Variants in ITGA1 observed in about 807,000 individuals in gnomAD.
ITGA1 encodes the protein integrin alpha-1.
Under a neutral mutation model 145.9 loss-of-function variants are expected in ITGA1, and 85 were observed. That is an observed-to-expected ratio of 0.58 (90% CI 0.49 to 0.70). The LOEUF is 0.70. Among genes scored for constraint, ITGA1 ranks in the 30% least tolerant of loss-of-function variants. The pLI, the probability that ITGA1 is intolerant of heterozygous loss-of-function variation, is 0.00. For missense variants in ITGA1, 1,351 were observed against 1,418.7 expected, an observed-to-expected ratio of 0.95 and a Z score of 0.77; for synonymous variants, 520 against 495.3, an observed-to-expected ratio of 1.05 and a Z score of -0.66.
At chr5:52,821,894 T>G (rs1221112403) in intron 1 of ITGA1, among the ~76,000 whole-genome samples, 2 of 152,256 alleles carry the variant, frequency 1.3e-5, no homozygotes, top group African/African-American at 4.8e-5. Context: ...GACTTTGAGT[T>G]GACTGCCCCA....
At chr5:52,913,328 A>G (rs560649245) in intron 14 of ITGA1, among the ~76,000 whole-genome samples, 83 of 152,300 alleles carry the variant, frequency 5.4e-4, no homozygotes, top group South Asian at 1.5e-3. Flanking sequence ...ATTGCATTAA[A>G]TTTATATTTA....
At chr5:52,798,308 CAA>C (rs1748385544) in intron 1 of ITGA1, among the ~76,000 whole-genome samples, 1 of 152,014 alleles carries the variant, frequency 6.6e-6, no homozygotes, top group Non-Finnish European at 1.5e-5. Flanking sequence ...GAGCGAGAAA[CAA>C]AGAGAAAAGA....
intron 2 of ITGA1, 121 bp from the exon 3 acceptor site, chr5:52,861,326 T>C (rs1399217433): frequency 3.1e-5 from 20 of 648,262 alleles, no homozygotes; most frequent in Non-Finnish European, 8.2e-6. Flanking sequence ...AAATTACTAA[T>C]AGCATGATTA....
Position 52,909,037 on chromosome 5 carries a change from A to G in ITGA1, c.1595A>G (p.Asn532Ser), listed in dbSNP as rs758786220. The G allele has an allele frequency of 6.9e-5, 112 of 1,613,296 alleles. 1 individual carries two copies. Among genetic ancestry groups the G allele is most frequent in the Non-Finnish European group, 9.2e-5 (109 of 1,179,696 alleles). Residue 532 changes from asparagine (N) to serine (S), a missense_variant, in exon 13 of 29, where the codon AAT becomes AGT. By Grantham distance (46) the Asn-to-Ser change is conservative (BLOSUM62 1). Coordinates refer to ENST00000282588, the MANE Select transcript of ITGA1 (RefSeq NM_181501.2). ...GGAAAAGTGTATGTGTATGCTCTCA[A>G]TCAGGTAATGGTGTCTGAGTTTGGT... ...EQGKVYVYAL[N>S]QTRFEYQMSL...
chr5:52,869,424 G>A (rs1396298504), intron 6 of ITGA1, among the ~76,000 whole-genome samples: 1 of 152,146 alleles, frequency 6.6e-6, no homozygotes, highest in Non-Finnish European at 1.5e-5. Flanking sequence ...GCCTCCCAAG[G>A]TGCTGGGATT....
At chr5:52,873,174 T>C (rs1749805528) in intron 6 of ITGA1, among the ~76,000 whole-genome samples, 1 of 152,210 alleles carries the variant, frequency 6.6e-6, no homozygotes, top group South Asian at 2.1e-4. Context: ...CATAAAGTCA[T>C]ATTGATCCAC....
At chr5:52,813,199 ACAGAAACTCAT>A (rs2111689106) in intron 1 of ITGA1, among the ~76,000 whole-genome samples, 1 of 152,272 alleles carries the variant, frequency 6.6e-6, no homozygotes, top group East Asian at 1.9e-4. Context: ...TATGGAAACC[ACAGAAACTCAT>A]CCCTGAAACT....
At chr5:52,812,914 G>A (rs1748705506) in intron 1 of ITGA1, among the ~76,000 whole-genome samples, 1 of 128,526 alleles carries the variant, frequency 7.8e-6, no homozygotes, top group Non-Finnish European at 1.6e-5. Flanking sequence ...CTCTACCAAA[G>A]CTGTCTGTCA....
At chr5:52,947,939 T>C (rs1751160173) in intron 28 of ITGA1, among the ~76,000 whole-genome samples, 1 of 152,158 alleles carries the variant, frequency 6.6e-6, no homozygotes, top group Non-Finnish European at 1.5e-5. Flanking sequence ...AATTCTTTAA[T>C]GTTTAAATAT....
At chr5:52,842,724 C>T (rs2111740404) in intron 1 of ITGA1, among the ~76,000 whole-genome samples, 1 of 142,508 alleles carries the variant, frequency 7.0e-6, no homozygotes, top group Admixed American at 7.3e-5. Flanking sequence ...CTCACTCTGT[C>T]ACCCAGGCTG....
At chr5:52,851,422 C>A (rs1457450077) in intron 2 of ITGA1, among the ~76,000 whole-genome samples, 1 of 152,110 alleles carries the variant, frequency 6.6e-6, no homozygotes, top group Non-Finnish European at 1.5e-5. Context: ...ATTCTACAGT[C>A]CCTCCTTTCA....
chr5:52,848,794 T>C (rs1470137153), intron 1 of ITGA1, among the ~76,000 whole-genome samples: 5 of 150,352 alleles, frequency 3.3e-5, no homozygotes, highest in Non-Finnish European at 4.4e-5. Flanking sequence ...GTTCTCATTG[T>C]TCAATTCCCA....
intron 22 of ITGA1, chr5:52,932,612 C>T (rs10513003): frequency 0.26 from 38,815 of 152,116 alleles, 5,460 homozygotes; most frequent in African/African-American, 0.36. Context: ...ACCATTCTTT[C>T]TCTTAAGAAC....
chr5:52,852,229 A>G (rs2111756063), intron 2 of ITGA1, among the ~76,000 whole-genome samples: 1 of 152,300 alleles, frequency 6.6e-6, no homozygotes. Context: ...CAGATCTTGA[A>G]AGACAAACAC....
At chr5:52,810,227 C>T (rs1300989283) in intron 1 of ITGA1, among the ~76,000 whole-genome samples, 1 of 152,118 alleles carries the variant, frequency 6.6e-6, no homozygotes, top group African/African-American at 2.4e-5. Flanking sequence ...GTGGCACAGC[C>T]ACCTCAGGGA....
intron 1 of ITGA1, among the ~76,000 whole-genome samples, chr5:52,847,594 C>T (rs1749357430): frequency 6.6e-6 from 1 of 152,108 alleles, no homozygotes. Flanking sequence ...TCTCTGTTGC[C>T]CAGGCTGGAG....
intron 12 of ITGA1, among the ~76,000 whole-genome samples, chr5:52,908,009 A>G (rs1284339326): frequency 2.0e-5 from 3 of 152,198 alleles, no homozygotes; most frequent in South Asian, 4.1e-4. Context: ...GATGTTTGCA[A>G]TTGCCTTAGT....
chr5:52,843,780 A>C (rs1749293494), intron 1 of ITGA1, among the ~76,000 whole-genome samples: 1 of 152,198 alleles, frequency 6.6e-6, no homozygotes, highest in African/African-American at 2.4e-5. Context: ...ATTTGGCCTC[A>C]TAAGATCAAT....
rs563080637 is a variant in ITGA1, at chr5:52,797,464, G to GA, written c.61+9061dup. Among the ~76,000 whole-genome samples the GA allele has an allele frequency of 2.9e-3, 409 of 143,442 alleles. 2 individuals carry two copies. Among genetic ancestry groups the GA allele is most frequent in the African/African-American group, 8.0e-3 (313 of 39,298 alleles). The allele number at this position is 143,442 out of a possible 152,430, so 94.1% of individuals were successfully genotyped here. A position where few individuals can be genotyped will look rare whatever the true frequency, so the allele number is the denominator to read the frequency against. On this transcript the variant is annotated intron_variant, in intron 1 of 28. Transcript: ENST00000282588. ...GATGATGACCTAGGCTGGACAGAAGGAAAAAAAAAAACTATGTAGAAGAGA... is the reference window on the plus strand; with the variant it reads ...GATGATGACCTAGGCTGGACAGAAGGAAAAAAAAAAAACTATGTAGAAGAGA...
Sources: allele counts gnomAD v4.1 joint callset (sites outside exome capture counted in the v4.1 genomes callset), GRCh38; gene constraint gnomAD v4.1.1; transcripts MANE v1.5; gene names NCBI Gene and HGNC (gene_info 2026-07-23, HGNC 2026-07-21).